Variants in CALN1 observed in about 807,000 individuals in gnomAD.
The protein encoded by CALN1 is calcium-binding protein 8.
Under a neutral mutation model 30.6 loss-of-function variants are expected in CALN1, and 17 were observed. That is an observed-to-expected ratio of 0.56 (90% CI 0.38 to 0.83). CALN1 has a LOEUF of 0.83. Among genes scored for constraint, CALN1 ranks in the 40% least tolerant of loss-of-function variants. CALN1 has a pLI of 0.00. For missense variants in CALN1, 291 were observed against 354.9 expected, an observed-to-expected ratio of 0.82 and a Z score of 1.45; for synonymous variants, 156 against 131.4, an observed-to-expected ratio of 1.19 and a Z score of -1.28.
At chr7:71,988,919 AG>A (rs1049216672) in intron 5 of CALN1, among the ~76,000 whole-genome samples, 1 of 152,146 alleles carries the variant, frequency 6.6e-6, no homozygotes, top group African/African-American at 2.4e-5. Flanking sequence ...GCAGGCTCAG[AG>A]GGGCACAATA....
At chr7:72,063,858 C>T (rs1803834505) in intron 4 of CALN1, among the ~76,000 whole-genome samples, 1 of 152,144 alleles carries the variant, frequency 6.6e-6, no homozygotes, top group African/African-American at 2.4e-5. Flanking sequence ...ACCCCCACCC[C>T]CAAAATAAAA....
intron 4 of CALN1, among the ~76,000 whole-genome samples, chr7:72,054,735 G>C (rs537342535): frequency 6.6e-6 from 1 of 151,834 alleles, no homozygotes; most frequent in South Asian, 2.1e-4. Context: ...GCGAAGAGGG[G>C]AACAACAGAT....
At chr7:71,996,734 A>G (rs1300934006) in intron 5 of CALN1, among the ~76,000 whole-genome samples, 1 of 152,230 alleles carries the variant, frequency 6.6e-6, no homozygotes, top group African/African-American at 2.4e-5. Flanking sequence ...ATGTTTACCT[A>G]TGTAACAAAC....
intron 3 of CALN1, among the ~76,000 whole-genome samples, chr7:72,193,588 G>T (rs1790778023): frequency 6.6e-6 from 1 of 152,056 alleles, no homozygotes; most frequent in Non-Finnish European, 1.5e-5. Context: ...TACACATGTG[G>T]GCTAGACGGT....
At chr7:71,968,601 T>C (rs1351242944) in intron 5 of CALN1, among the ~76,000 whole-genome samples, 6 of 152,030 alleles carry the variant, frequency 3.9e-5, no homozygotes, top group Non-Finnish European at 2.9e-5. Context: ...AGGCTGGTAT[T>C]GAACTCCTGA....
chr7:72,211,660 G>A (rs981624515), intron 3 of CALN1, among the ~76,000 whole-genome samples: 9 of 152,292 alleles, frequency 5.9e-5, no homozygotes, highest in East Asian at 1.9e-4. Flanking sequence ...GTTAGCTATC[G>A]CTGCAAAATA....
In CALN1 at chr7:72,050,663, T is replaced by TAATCA. The variant is rs569855404; in HGVS notation, c.389-26899_389-26895dup. ...TTACATAACTCAAATATGTAAGTAT[T>TAATCA]AATCAAACTTGTTTTCAGATGTAAT... is the stretch of plus-strand genomic sequence containing the variant. On this transcript the variant is annotated intron_variant, in intron 4 of 6. Coordinates refer to ENST00000395275, the MANE Select transcript of CALN1 (RefSeq NM_031468.4). Among the ~76,000 whole-genome samples the TAATCA allele has an allele frequency of 3.5e-4, 54 of 152,332 alleles. No homozygotes were observed. In the East Asian group the frequency reaches 8.9e-3, roughly 25 times the overall value.
chr7:72,454,210 C>G, the CALN1 span, among the ~76,000 whole-genome samples: 2 of 152,184 alleles, frequency 1.3e-5, no homozygotes, highest in South Asian at 4.1e-4. Context: ...GATCTCTGCT[C>G]TGAGAATCAT....
intron 6 of CALN1, among the ~76,000 whole-genome samples, chr7:71,790,367 G>T (rs180856487): frequency 2.0e-5 from 2 of 98,258 alleles, no homozygotes; most frequent in African/African-American, 9.6e-5. Context: ...AAGAAAGAAA[G>T]AAAAGAAAGA....
chr7:71,898,130 G>C (rs1464872725), intron 5 of CALN1, among the ~76,000 whole-genome samples: 1 of 151,836 alleles, frequency 6.6e-6, no homozygotes, highest in Non-Finnish European at 1.5e-5. Flanking sequence ...AGGAGTTCGA[G>C]ACCAGCCTGG....
At chr7:72,316,804 G>A (rs1800480661) in intron 2 of CALN1, among the ~76,000 whole-genome samples, 2 of 151,800 alleles carry the variant, frequency 1.3e-5, no homozygotes, top group Non-Finnish European at 2.9e-5. Context: ...AATCAGCTGT[G>A]CATGGTGTCA....
At chr7:72,373,714 T>C (rs1804382869) in intron 2 of CALN1, among the ~76,000 whole-genome samples, 3 of 152,242 alleles carry the variant, frequency 2.0e-5, no homozygotes, top group Non-Finnish European at 4.4e-5. Flanking sequence ...TTTATCAGGA[T>C]GTAACTCCAT....
intron 2 of CALN1, among the ~76,000 whole-genome samples, chr7:72,286,470 T>C (rs917299845): frequency 6.6e-6 from 1 of 152,168 alleles, no homozygotes; most frequent in African/African-American, 2.4e-5. Flanking sequence ...ATTATGATTT[T>C]TCATGCATTG....
At chr7:72,082,615 A>AT (rs1324460419) in intron 4 of CALN1, among the ~76,000 whole-genome samples, 2 of 152,226 alleles carry the variant, frequency 1.3e-5, no homozygotes, top group Non-Finnish European at 2.9e-5. Context: ...CAGCTCCACT[A>AT]TAAAGCATAA....
chr7:72,217,718 C>T (rs1486703443), intron 3 of CALN1, among the ~76,000 whole-genome samples: 2 of 151,770 alleles, frequency 1.3e-5, no homozygotes, highest in African/African-American at 2.4e-5. Context: ...TGGCTCACAC[C>T]TATAATCCTA....
At chr7:72,090,441 A>C (rs1376121905) in intron 4 of CALN1, among the ~76,000 whole-genome samples, 1 of 152,134 alleles carries the variant, frequency 6.6e-6, no homozygotes, top group African/African-American at 2.4e-5. Context: ...TAATGAAAAC[A>C]TCAAAACCGT....
intron 3 of CALN1, among the ~76,000 whole-genome samples, chr7:72,139,960 G>A (rs1315611677): frequency 1.3e-5 from 2 of 152,128 alleles, no homozygotes; most frequent in East Asian, 1.9e-4. Flanking sequence ...AATCTCGTTG[G>A]AATATTTCAC....
intron 2 of CALN1, among the ~76,000 whole-genome samples, chr7:72,342,893 A>T (rs1802448196): frequency 1.3e-5 from 2 of 152,310 alleles, no homozygotes; most frequent in Middle Eastern, 3.4e-3. Context: ...GTTGGAAGGT[A>T]AAATTTTTCA....
intron 4 of CALN1, among the ~76,000 whole-genome samples, chr7:72,031,739 T>G (rs1344867553): frequency 6.1e-5 from 9 of 146,574 alleles, no homozygotes; most frequent in African/African-American, 1.0e-4. Context: ...GGCTAATTTT[T>G]TTTTTTTTTT....
Sources: allele counts gnomAD v4.1 joint callset (sites outside exome capture counted in the v4.1 genomes callset), GRCh38; gene constraint gnomAD v4.1.1; transcripts MANE v1.5; gene names NCBI Gene and HGNC (gene_info 2026-07-23, HGNC 2026-07-21).